The following SBF2 variants were observed in gnomAD, a reference collection of about 807,000 sequenced individuals.
The protein encoded by SBF2 is myotubularin-related protein 13.
A neutral mutation model predicts 225.2 loss-of-function variants in SBF2; 112 were observed. The ratio of observed to expected loss-of-function variants is 0.50; its 90% CI spans 0.43 to 0.58. The LOEUF is 0.58. Among genes scored for constraint, SBF2 ranks in the 20% least tolerant of loss-of-function variants. The pLI is 0.00. For synonymous variants in SBF2, 763 were observed against 773.3 expected, an observed-to-expected ratio of 0.99 and a Z score of 0.22; for missense variants, 1,996 against 2,206.2, an observed-to-expected ratio of 0.90 and a Z score of 1.91.
chr11:9,959,543 G>C (rs891189021), intron 16 of SBF2: 1 of 784,380 alleles, frequency 1.3e-6, no homozygotes, highest in Non-Finnish European at 2.4e-6. Context: ...AGGTCCTTGT[G>C]GAAGGGGTCC....
intron 16 of SBF2, among the ~76,000 whole-genome samples, chr11:9,926,127 G>A (rs942046751): frequency 6.6e-6 from 1 of 152,148 alleles, no homozygotes; most frequent in Non-Finnish European, 1.5e-5. Flanking sequence ...TCTGGCTTAA[G>A]TTGTACTTAT....
chr11:9,896,398 T>A (rs914489360), intron 16 of SBF2, among the ~76,000 whole-genome samples: 9 of 152,142 alleles, frequency 5.9e-5, no homozygotes, highest in African/African-American at 1.9e-4. Flanking sequence ...TTCCATTGAG[T>A]CTAAGATACA....
At chr11:10,045,521 A>C (rs1949823770) in intron 2 of SBF2, among the ~76,000 whole-genome samples, 1 of 152,226 alleles carries the variant, frequency 6.6e-6, no homozygotes, top group Non-Finnish European at 1.5e-5. Flanking sequence ...GATTTCTCTG[A>C]AACAGTGCTG....
chr11:9,899,891 T>C (rs1317704750), intron 16 of SBF2, among the ~76,000 whole-genome samples: 2 of 152,154 alleles, frequency 1.3e-5, no homozygotes, highest in African/African-American at 4.8e-5. Flanking sequence ...CCTATTTTTA[T>C]GGTGAGGGGA....
chr11:9,987,056 C>T (rs534455412), intron 13 of SBF2, among the ~76,000 whole-genome samples: 3 of 152,302 alleles, frequency 2.0e-5, no homozygotes, highest in Admixed American at 2.0e-4. Flanking sequence ...AATCCAACAA[C>T]ATATCAGAAA....
At chr11:9,986,499 T>G (rs1947203340) in intron 13 of SBF2, among the ~76,000 whole-genome samples, 1 of 151,916 alleles carries the variant, frequency 6.6e-6, no homozygotes. Flanking sequence ...AAAAAGCTGG[T>G]TCTTTGAAAA....
chr11:10,085,398 C>T lies in SBF2; in HGVS notation c.142-42417G>A, dbSNP rs955821063. Among the ~76,000 whole-genome samples, 10 of 152,138 alleles carry T rather than the reference C, an allele frequency of 6.6e-5. No homozygotes were observed. In the South Asian group the frequency reaches 8.3e-4, roughly 13 times the overall value. Reference sequence around the variant, plus strand: ...TTCTGGTAAATGTATCAGGACTATCCGGAATTTTCTCTTCAACTCTATCTA... The same window carrying T: ...TTCTGGTAAATGTATCAGGACTATCTGGAATTTTCTCTTCAACTCTATCTA... On this transcript the variant is annotated intron_variant, in intron 2 of 39. Coordinates refer to ENST00000256190, the MANE Select transcript of SBF2 (RefSeq NM_030962.4).
At chr11:10,135,407 T>C (rs1954300177) in intron 2 of SBF2, among the ~76,000 whole-genome samples, 1 of 152,260 alleles carries the variant, frequency 6.6e-6, no homozygotes, top group African/African-American at 2.4e-5. Flanking sequence ...TGCAAATTTC[T>C]GCAGCTGGCT....
chr11:10,286,932 T>G (rs1046835613), intron 1 of SBF2, among the ~76,000 whole-genome samples: 1 of 152,156 alleles, frequency 6.6e-6, no homozygotes, highest in South Asian at 2.1e-4. Context: ...AACATGAACA[T>G]GAAAACATTC....
At chr11:9,931,367 C>A (rs1206999777) in intron 16 of SBF2, among the ~76,000 whole-genome samples, 1 of 152,214 alleles carries the variant, frequency 6.6e-6, no homozygotes, top group Non-Finnish European at 1.5e-5. Context: ...TCGACAGACA[C>A]CTGATATAGA....
chr11:9,843,054 C>T (rs1441860205), intron 24 of SBF2, among the ~76,000 whole-genome samples: 1 of 152,180 alleles, frequency 6.6e-6, no homozygotes, highest in African/African-American at 2.4e-5. Flanking sequence ...CTTGGTTTAG[C>T]TTGTCGGGGA....
intron 1 of SBF2, among the ~76,000 whole-genome samples, chr11:10,217,899 A>C (rs1255395351): frequency 6.6e-6 from 1 of 151,966 alleles, no homozygotes; most frequent in African/African-American, 2.4e-5. Flanking sequence ...GAGCAAAGTC[A>C]CATCTTTTTT....
At chr11:9,963,379 C>T (rs1251857858) in intron 15 of SBF2, among the ~76,000 whole-genome samples, 3 of 152,086 alleles carry the variant, frequency 2.0e-5, no homozygotes, top group South Asian at 2.1e-4. Flanking sequence ...GCAGGAGAAT[C>T]GCTTGAACTT....
chr11:9,887,106 G>A (rs1049427430), intron 17 of SBF2, among the ~76,000 whole-genome samples: 4 of 151,388 alleles, frequency 2.6e-5, no homozygotes, highest in African/African-American at 9.7e-5. Flanking sequence ...ATGAACAAAA[G>A]GGTCCAAACC....
chr11:9,805,814 G>GCA (rs1564870383), intron 32 of SBF2, among the ~76,000 whole-genome samples: 1 of 152,082 alleles, frequency 6.6e-6, no homozygotes, highest in East Asian at 1.9e-4. Context: ...AGTAGAGATG[G>GCA]GGTTTCACCA....
intron 2 of SBF2, among the ~76,000 whole-genome samples, chr11:10,165,556 C>A (rs1219537275): frequency 6.6e-6 from 1 of 152,116 alleles, no homozygotes; most frequent in Non-Finnish European, 1.5e-5. Context: ...TTTTGAAATG[C>A]AGAGGACAAC....
intron 16 of SBF2, among the ~76,000 whole-genome samples, chr11:9,916,616 G>C (rs1486272578): frequency 1.5e-5 from 1 of 65,696 alleles, no homozygotes; most frequent in Non-Finnish European, 3.3e-5. Context: ...TCTTTTTTTT[G>C]AGACAGGGTC....
chr11:10,132,923 C>G lies in SBF2; in HGVS notation c.141+60979G>C, dbSNP rs1395509730. Among the ~76,000 whole-genome samples the G allele has an allele frequency of 4.7e-5, 7 of 149,120 alleles. No individual in the cohort carries two copies. In the South Asian group the frequency reaches 1.1e-3, roughly 22 times the overall value. On this transcript the variant is annotated intron_variant, in intron 2 of 39. Coordinates refer to ENST00000256190, the MANE Select transcript of SBF2 (RefSeq NM_030962.4). The stretch of plus-strand genomic sequence containing the variant: ...GATACAAAGTTTCCACACACAGGTT[C>G]TCCAAGGCCCCACCAGAGAAGCTAG...
intron 2 of SBF2, among the ~76,000 whole-genome samples, chr11:10,185,138 G>A (rs76196585): frequency 0.018 from 2,674 of 151,876 alleles, 52 homozygotes; most frequent in African/African-American, 0.039. Context: ...GCGTGCACAC[G>A]TGTATCACAT....
Sources: gnomAD v4.1 joint callset for allele counts (sites outside exome capture counted in the v4.1 genomes callset) on GRCh38, gnomAD v4.1.1 for gene constraint, MANE v1.5 for transcripts, NCBI Gene and HGNC (gene_info 2026-07-23, HGNC 2026-07-21) for gene names.